ARMH3: variants seen among roughly 807,000 people sequenced by gnomAD.
ARMH3 encodes armadillo like helical domain containing 3.
Under a neutral mutation model 99.1 loss-of-function variants are expected in ARMH3, and 60 were observed. That is an observed-to-expected ratio of 0.61 (90% CI 0.49 to 0.75). The LOEUF is 0.75. Among genes scored for constraint, ARMH3 ranks in the 30% least tolerant of loss-of-function variants. ARMH3 has a pLI of 0.00. For synonymous variants in ARMH3, 285 were observed against 292.8 expected (o/e 0.97, Z 0.27); for missense variants, 679 against 843.1 (o/e 0.81, Z 2.41).
intron 22 of ARMH3, among the ~76,000 whole-genome samples, chr10:101,950,569 A>G (rs1844738620): frequency 6.6e-6 from 1 of 152,252 alleles, no homozygotes; most frequent in Admixed American, 6.5e-5. Context: ...TGATGAATGG[A>G]TAAATAAAAT....
intron 22 of ARMH3, among the ~76,000 whole-genome samples, chr10:101,951,380 G>C (rs1175881935): frequency 6.6e-6 from 1 of 151,888 alleles, no homozygotes; most frequent in Admixed American, 6.6e-5. Flanking sequence ...GACCTGCCTG[G>C]GCAACATAGG....
chr10:102,016,205 A>C (rs1012389996), intron 8 of ARMH3, among the ~76,000 whole-genome samples: 1 of 152,190 alleles, frequency 6.6e-6, no homozygotes, highest in Admixed American at 6.5e-5. Context: ...ACATTTTGGA[A>C]TATGTGCATT....
rs1012911937 is a variant in ARMH3, at chr10:101,944,574, G to A, written c.1706-4636C>T. Among the ~76,000 whole-genome samples, 220 of 152,200 alleles carry A rather than the reference G, an allele frequency of 1.4e-3. 1 individual carries two copies. Among genetic ancestry groups the A allele is most frequent in the African/African-American group, 5.0e-3 (207 of 41,528 alleles). On this transcript the variant is annotated intron_variant, in intron 22 of 25. Transcript: ENST00000370033. ...CACGCTTGTAATCCCAGTACTTTGG[G>A]AGGCTGAGGCGGGTGGATCACCTGA...
At chr10:101,936,275 C>T (rs1460358539) in intron 23 of ARMH3, among the ~76,000 whole-genome samples, 5 of 151,176 alleles carry the variant, frequency 3.3e-5, no homozygotes, top group Non-Finnish European at 3.0e-5. Context: ...GGGTGGATCA[C>T]GAGGTCAGGA....
intron 9 of ARMH3, 121 bp from the exon 10 acceptor site, chr10:102,012,997 G>A (rs546020545): frequency 2.4e-4 from 173 of 735,956 alleles, no homozygotes; most frequent in East Asian, 8.1e-4. Context: ...GAAAGTTGGC[G>A]ACAAGGACAG....
At chr10:101,916,873 C>T (rs188246271) in intron 23 of ARMH3, among the ~76,000 whole-genome samples, 1 of 152,318 alleles carries the variant, frequency 6.6e-6, no homozygotes, top group African/African-American at 2.4e-5. Flanking sequence ...GGACGTCCAT[C>T]TTCTCTTGCC....
intron 24 of ARMH3, among the ~76,000 whole-genome samples, chr10:101,883,134 G>T (rs913644162): frequency 2.6e-5 from 4 of 152,138 alleles, no homozygotes; most frequent in Non-Finnish European, 5.9e-5. Flanking sequence ...TAGGAATAGG[G>T]CTGGGTGCAG....
At chr10:101,914,942 T>A (rs995990105) in intron 23 of ARMH3, among the ~76,000 whole-genome samples, 1 of 151,854 alleles carries the variant, frequency 6.6e-6, no homozygotes, top group Non-Finnish European at 1.5e-5. Context: ...TTAAAACTTA[T>A]TTTTACAAGG....
chr10:102,039,512 C>T (rs2067358090), intron 2 of ARMH3, among the ~76,000 whole-genome samples: 1 of 152,118 alleles, frequency 6.6e-6, no homozygotes, highest in Admixed American at 6.6e-5. Flanking sequence ...AATCCCCCAC[C>T]CAATTACTAA....
intron 20 of ARMH3, among the ~76,000 whole-genome samples, chr10:101,966,929 T>A (rs1344878496): frequency 1.3e-5 from 2 of 152,118 alleles, no homozygotes; most frequent in East Asian, 3.8e-4. Flanking sequence ...GGCTTAATTA[T>A]AAAACCAAGT....
intron 23 of ARMH3, among the ~76,000 whole-genome samples, chr10:101,934,038 C>T (rs537321363): frequency 2.6e-5 from 4 of 152,298 alleles, no homozygotes; most frequent in African/African-American, 9.6e-5. Flanking sequence ...ACCTCACATC[C>T]CTTCCTAACC....
intron 23 of ARMH3, among the ~76,000 whole-genome samples, chr10:101,925,844 G>A (rs929765970): frequency 1.3e-5 from 2 of 152,208 alleles, no homozygotes; most frequent in African/African-American, 4.8e-5. Context: ...TCAGGAGGCG[G>A]AGGTTGCAGT....
chr10:101,989,160 G>A (rs987568035), intron 19 of ARMH3, among the ~76,000 whole-genome samples: 3 of 152,160 alleles, frequency 2.0e-5, no homozygotes, highest in African/African-American at 7.2e-5. Context: ...ATGTGGCACA[G>A]CTGTTCTTGG....
At chr10:101,925,119 C>T (rs904796917) in intron 23 of ARMH3, among the ~76,000 whole-genome samples, 6 of 152,228 alleles carry the variant, frequency 3.9e-5, no homozygotes, top group African/African-American at 1.4e-4. Context: ...GAAGGCAGGT[C>T]ACTTTAAGCA....
chr10:102,009,537 C>T lies in ARMH3; in HGVS notation c.879-88G>A, dbSNP rs936873486. 5.4e-6 allele frequency: 6 copies of T among 1,108,292 alleles called. 1 individual carries two copies. Among genetic ancestry groups the T allele is most frequent in the Non-Finnish European group, 8.1e-6 (6 of 741,166 alleles). 68.7% of individuals were successfully genotyped at this position (1,108,292 alleles called of 1,614,324 possible). ...CATGAAGATAAGATTGGATTGCACC[C>T]CAGCGCCTCATTATCAATTCCTTTG... On this transcript the variant is annotated intron_variant, in intron 12 of 25. Coordinates refer to ENST00000370033, the MANE Select transcript of ARMH3 (RefSeq NM_024541.3).
chr10:101,937,452 G>A (rs1402053368), intron 23 of ARMH3, among the ~76,000 whole-genome samples: 1 of 151,698 alleles, frequency 6.6e-6, no homozygotes, highest in South Asian at 2.1e-4. Context: ...CTGGGAAGCG[G>A]AGGCTGCAGT....
At chr10:101,905,077 CCTATTGT>C (rs1284386392) in intron 23 of ARMH3, among the ~76,000 whole-genome samples, 2 of 152,118 alleles carry the variant, frequency 1.3e-5, no homozygotes, top group African/African-American at 4.8e-5. Context: ...GACTATATTT[CCTATTGT>C]CTGTTAAGAT....
chr10:101,904,892 C>T (rs1221235708), intron 23 of ARMH3, among the ~76,000 whole-genome samples: 1 of 146,206 alleles, frequency 6.8e-6, no homozygotes, highest in Admixed American at 7.1e-5. Flanking sequence ...GCAGAGGTTG[C>T]AGTGAGCCAA....
In ARMH3 at chr10:101,912,180, G is replaced by A. The variant is rs531739939; in HGVS notation, c.1782-22690C>T. Among the ~76,000 whole-genome samples, 324 of 152,038 alleles carry A rather than the reference G, an allele frequency of 2.1e-3. 3 individuals carry two copies. Among genetic ancestry groups the A allele is most frequent in the Non-Finnish European group, 3.5e-3 (238 of 67,996 alleles). ...GAGGCCGAGGCAGGTGGATCACAACGTCAGGAGTTTGAGACCAGTCTGGCC... is the reference window on the plus strand; with the variant it reads ...GAGGCCGAGGCAGGTGGATCACAACATCAGGAGTTTGAGACCAGTCTGGCC... On this transcript the variant is annotated intron_variant, in intron 23 of 25. Transcript: ENST00000370033.
Sources: allele counts gnomAD v4.1 joint callset (sites outside exome capture counted in the v4.1 genomes callset), GRCh38; gene constraint gnomAD v4.1.1; transcripts MANE v1.5; gene names NCBI Gene and HGNC (gene_info 2026-07-23, HGNC 2026-07-21).